LHFPL1: variants seen among roughly 807,000 people sequenced by gnomAD.
LHFPL1 encodes the protein LHFPL tetraspan subfamily member 1, also known as LHFPL tetraspan subfamily member 1 protein.
LHFPL1 carries 4 observed loss-of-function variants against 12.1 expected under a neutral mutation model. That is an observed-to-expected ratio of 0.33 (90% CI 0.16 to 0.76). LHFPL1 has a LOEUF of 0.76. Among genes scored for constraint, LHFPL1 ranks in the 30% least tolerant of loss-of-function variants. The pLI is 0.61. For synonymous variants in LHFPL1, 52 were observed against 61.9 expected (o/e 0.84, Z 0.75); for missense variants, 141 against 174.1 (o/e 0.81, Z 1.07).
intron 3 of LHFPL1, among the ~76,000 whole-genome samples, chrX:112,633,558 C>T (rs1203303195): frequency 8.9e-6 from 1 of 112,117 alleles, no homozygotes; most frequent in Non-Finnish European, 1.9e-5. Context: ...CAACTTCCCT[C>T]ATCAGAGGCT....
intron 3 of LHFPL1, among the ~76,000 whole-genome samples, chrX:112,637,427 T>C (rs1930373740): frequency 1.8e-5 from 2 of 111,494 alleles, no homozygotes; most frequent in African/African-American, 6.5e-5. Context: ...TATGGGGAGT[T>C]AGCCCCAAAC....
chrX:112,674,577 C>T (rs765840233), intron 1 of LHFPL1, among the ~76,000 whole-genome samples: 2 of 106,685 alleles, frequency 1.9e-5, no homozygotes, highest in East Asian at 5.8e-4. Context: ...CTACAACGAA[C>T]TCAAACAAAT....
intron 3 of LHFPL1, among the ~76,000 whole-genome samples, chrX:112,640,266 T>C (rs768707758): frequency 9.0e-6 from 1 of 110,622 alleles, no homozygotes; most frequent in Non-Finnish European, 1.9e-5. Flanking sequence ...CACAAGGATA[T>C]AGGTGAGAGA....
chrX:112,660,764 C>A (rs778553594), intron 2 of LHFPL1, 39 bp from the exon 3 acceptor site: 1 of 942,141 alleles, frequency 1.1e-6, no homozygotes, highest in African/African-American at 1.9e-5. Context: ...AAAAATATAA[C>A]GTCTTCTGTC....
At chrX:112,652,653 A>AT (rs1417901196) in intron 3 of LHFPL1, among the ~76,000 whole-genome samples, 2 of 111,886 alleles carry the variant, frequency 1.8e-5, no homozygotes, top group South Asian at 7.4e-4. Context: ...GCTAAGATCT[A>AT]TTTTGTTTGG....
intron 3 of LHFPL1, among the ~76,000 whole-genome samples, chrX:112,643,376 C>T (rs1330981283): frequency 1.6e-5 from 1 of 61,038 alleles, no homozygotes; most frequent in East Asian, 5.0e-4. Context: ...CAGACTCCGT[C>T]TCAAAAAAAA....
At chrX:112,673,055 A>G (rs1341754519) in intron 1 of LHFPL1, among the ~76,000 whole-genome samples, 1 of 111,625 alleles carries the variant, frequency 9.0e-6, no homozygotes, top group Non-Finnish European at 1.9e-5. Flanking sequence ...ATGACTTTAC[A>G]GGTGGGAATA....
chrX:112,675,571 T>G (rs1265814793), intron 1 of LHFPL1, among the ~76,000 whole-genome samples: 1 of 112,465 alleles, frequency 8.9e-6, no homozygotes, highest in Non-Finnish European at 1.9e-5. Context: ...TCATTGTCCT[T>G]CAGAATTTAG....
chrX:112,665,223 CT>C (rs1453436427), intron 2 of LHFPL1, among the ~76,000 whole-genome samples: 4 of 106,157 alleles, frequency 3.8e-5, no homozygotes, highest in Non-Finnish European at 5.8e-5. Context: ...CGGAGTCTCA[CT>C]CTGTCACCCA....
At chrX:112,679,299 C>T (rs1286236119) in intron 1 of LHFPL1, among the ~76,000 whole-genome samples, 1 of 112,116 alleles carries the variant, frequency 8.9e-6, no homozygotes, top group Non-Finnish European at 1.9e-5. Flanking sequence ...ATAGTAGGAA[C>T]TCATAAATAT....
chrX:112,662,816 A>T (rs181198059), intron 2 of LHFPL1, among the ~76,000 whole-genome samples: 39 of 112,114 alleles, frequency 3.5e-4, no homozygotes, highest in Admixed American at 1.4e-3. Flanking sequence ...CGTCCAGAGT[A>T]CGCACATTGG....
intron 3 of LHFPL1, among the ~76,000 whole-genome samples, chrX:112,649,642 T>C (rs1277940957): frequency 1.8e-5 from 2 of 112,220 alleles, no homozygotes; most frequent in African/African-American, 3.2e-5. Context: ...GTTGAAAATC[T>C]TCATTATTTT....
chrX:112,632,777 T>C (rs1011753071), intron 3 of LHFPL1, among the ~76,000 whole-genome samples: 7 of 112,002 alleles, frequency 6.2e-5, no homozygotes, highest in African/African-American at 1.9e-4. Flanking sequence ...AGAAAGAGTC[T>C]AAGATGGGCC....
intron 3 of LHFPL1, among the ~76,000 whole-genome samples, chrX:112,632,342 C>T (rs144980789): frequency 0.011 from 1,248 of 111,833 alleles, 19 homozygotes; most frequent in African/African-American, 0.038. Flanking sequence ...ACATCCACCC[C>T]GCCACCTGCT....
At chrX:112,658,585 T>C (rs889491096) in intron 3 of LHFPL1, among the ~76,000 whole-genome samples, 2 of 111,154 alleles carry the variant, frequency 1.8e-5, no homozygotes, top group African/African-American at 3.3e-5. Flanking sequence ...CACAATAAGA[T>C]AGCACTTTAC....
At chrX:112,644,950 A>G (rs1363211588) in intron 3 of LHFPL1, among the ~76,000 whole-genome samples, 1 of 112,383 alleles carries the variant, frequency 8.9e-6, no homozygotes, top group Admixed American at 9.4e-5. Flanking sequence ...GGCAAGAATG[A>G]GCAGAAATGA....
At chrX:112,658,113 C>T (rs1931066577) in intron 3 of LHFPL1, among the ~76,000 whole-genome samples, 1 of 111,020 alleles carries the variant, frequency 9.0e-6, no homozygotes, top group African/African-American at 3.3e-5. Flanking sequence ...ACAACAACAG[C>T]AAATAACCCA....
intron 1 of LHFPL1, among the ~76,000 whole-genome samples, chrX:112,678,215 G>A (rs1226713852): frequency 1.8e-5 from 2 of 111,510 alleles, no homozygotes; most frequent in East Asian, 5.6e-4. Flanking sequence ...GACTGGAAAG[G>A]TAGGAACTGG....
intron 3 of LHFPL1, among the ~76,000 whole-genome samples, chrX:112,648,907 A>G (rs749540483): frequency 1.8e-5 from 2 of 111,913 alleles, no homozygotes; most frequent in South Asian, 7.4e-4. Context: ...ACCAACAAAT[A>G]GTGCTTTCAA....
Sources: gnomAD v4.1 joint callset for allele counts (sites outside exome capture counted in the v4.1 genomes callset) on GRCh38, gnomAD v4.1.1 for gene constraint, MANE v1.5 for transcripts, NCBI Gene and HGNC (gene_info 2026-07-23, HGNC 2026-07-21) for gene names.